Variants in TCF7L2 observed in about 807,000 individuals in gnomAD.
TCF7L2 encodes the protein transcription factor 7 like 2.
Under a neutral mutation model 77.9 loss-of-function variants are expected in TCF7L2, and 23 were observed. The ratio of observed to expected loss-of-function variants is 0.30; its 90% confidence interval spans 0.21 to 0.42. The LOEUF is 0.42. Among genes scored for constraint, TCF7L2 ranks in the 10% least tolerant of loss-of-function variants. The pLI, the probability that TCF7L2 is intolerant of heterozygous loss-of-function variation, is 1.00. For missense variants in TCF7L2, 654 were observed against 793.1 expected, an observed-to-expected ratio of 0.82 and a Z score of 2.11; for synonymous variants, 413 against 340.2, an observed-to-expected ratio of 1.21 and a Z score of -2.36.
chr10:113,107,752 T>TA (rs398014821), intron 5 of TCF7L2, among the ~76,000 whole-genome samples: 9,021 of 55,238 alleles, frequency 0.16, 1,166 homozygotes, highest in African/African-American at 0.23. Flanking sequence ...AGACTCCGTC[T>TA]AAAAAAAAAA....
intron 4 of TCF7L2, among the ~76,000 whole-genome samples, chr10:113,037,996 G>A (rs934661932): frequency 1.3e-5 from 2 of 152,168 alleles, no homozygotes; most frequent in Admixed American, 6.5e-5. Flanking sequence ...ATGAGATGGG[G>A]CAGTTTAGAT....
At chr10:113,034,565 T>G (rs896714875) in intron 4 of TCF7L2, among the ~76,000 whole-genome samples, 2 of 152,186 alleles carry the variant, frequency 1.3e-5, no homozygotes, top group African/African-American at 4.8e-5. Flanking sequence ...TTAGGAAAAT[T>G]TAACAGCGGA....
At chr10:113,031,962 G>A (rs142050903) in intron 4 of TCF7L2, among the ~76,000 whole-genome samples, 63 of 152,316 alleles carry the variant, frequency 4.1e-4, no homozygotes, top group Non-Finnish European at 5.7e-4. Flanking sequence ...AAGAGTTTTA[G>A]ATCATGTTCC....
chr10:112,968,223 A>G (rs989424807), intron 4 of TCF7L2, among the ~76,000 whole-genome samples: 6 of 152,298 alleles, frequency 3.9e-5, no homozygotes, highest in African/African-American at 1.4e-4. Context: ...GAATGGCACA[A>G]CATGAGTTTG....
At chr10:113,157,847 T>C (rs1468598076) in intron 11 of TCF7L2, 174 bp from the exon 12 acceptor site, 7 of 627,830 alleles carry the variant, frequency 1.1e-5, no homozygotes, top group Non-Finnish European at 2.0e-5. Context: ...TGGGGTACAA[T>C]GCAAGGGCAT....
chr10:113,005,712 G>C (rs1183425213), intron 4 of TCF7L2, among the ~76,000 whole-genome samples: 2 of 152,142 alleles, frequency 1.3e-5, no homozygotes, highest in Admixed American at 6.5e-5. Flanking sequence ...TTGGCTGGGG[G>C]GGAGGAGGAA....
intron 4 of TCF7L2, among the ~76,000 whole-genome samples, chr10:112,992,571 T>G (rs2042761490): frequency 6.6e-6 from 1 of 151,948 alleles, no homozygotes; most frequent in Non-Finnish European, 1.5e-5. Flanking sequence ...TAAGATTGCG[T>G]TATCTTTACC....
intron 6 of TCF7L2, among the ~76,000 whole-genome samples, chr10:113,143,023 C>T (rs976828093): frequency 1.3e-5 from 2 of 152,238 alleles, no homozygotes; most frequent in African/African-American, 2.4e-5. Flanking sequence ...TTTTCGTCCA[C>T]GAACATGCAG....
chr10:113,050,029 C>T (rs1184672813), intron 5 of TCF7L2, among the ~76,000 whole-genome samples: 1 of 152,190 alleles, frequency 6.6e-6, no homozygotes, highest in Non-Finnish European at 1.5e-5. Context: ...TGCATGCCAT[C>T]TGTCCAGTTG....
At chr10:113,117,433 C>CT (rs1160305172) in intron 5 of TCF7L2, among the ~76,000 whole-genome samples, 5 of 35,016 alleles carry the variant, frequency 1.4e-4, no homozygotes, top group African/African-American at 2.6e-4. Context: ...CTCTCTCTCT[C>CT]CCTCTCTCTC....
intron 5 of TCF7L2, among the ~76,000 whole-genome samples, chr10:113,087,334 ACT>A (rs1298335939): frequency 6.6e-6 from 1 of 152,234 alleles, no homozygotes; most frequent in Non-Finnish European, 1.5e-5. Context: ...CACTTTGGTA[ACT>A]CTGCCTCTTT....
chr10:113,158,312 T>G (rs2137376309), intron 12 of TCF7L2, among the ~76,000 whole-genome samples: 1 of 151,996 alleles, frequency 6.6e-6, no homozygotes, highest in Non-Finnish European at 1.5e-5. Context: ...TGTTTTAAAA[T>G]AACTGCAGAG....
chr10:112,983,431 C>T (rs896369326), intron 4 of TCF7L2, among the ~76,000 whole-genome samples: 56 of 152,114 alleles, frequency 3.7e-4, no homozygotes, highest in African/African-American at 1.3e-3. Flanking sequence ...GCCGAGATCG[C>T]GCCACTGCAC....
At chr10:113,003,752 A>C (rs2133398789) in intron 4 of TCF7L2, among the ~76,000 whole-genome samples, 1 of 152,316 alleles carries the variant, frequency 6.6e-6, no homozygotes, top group South Asian at 2.1e-4. Context: ...TTGAGGTCCC[A>C]CAGGCAGCGA....
intron 5 of TCF7L2, among the ~76,000 whole-genome samples, chr10:113,111,854 T>G (rs768615391): frequency 2.8e-4 from 43 of 152,202 alleles, no homozygotes; most frequent in Admixed American, 3.3e-4. Flanking sequence ...TCAATTCTTC[T>G]AAATCCTCTG....
Position 113,166,466 on chromosome 10 carries a change from T to TTTC in TCF7L2, c.*494_*495insTTC. The TTTC allele has an allele frequency of 4.5e-6, 1 of 221,380 alleles. No individual in the cohort carries two copies. The highest frequency in any genetic ancestry group is 9.0e-6 in the Non-Finnish European group (1 of 111,036). 13.7% of individuals were successfully genotyped at this position (221,380 alleles called of 1,614,324 possible). A position where few individuals can be genotyped will look rare whatever the true frequency, so the allele number is the denominator to read the frequency against. ...AGTGCCGTTACTTTTTTTTTTTTTT[T>TTTC]CTGTGTGAAACAACTCTTATTGTGA... On this transcript the variant is annotated 3_prime_UTR_variant, in exon 14 of 14. Transcript: ENST00000627217.
At chr10:113,075,640 AG>A (rs1253731952) in intron 5 of TCF7L2, among the ~76,000 whole-genome samples, 5 of 152,200 alleles carry the variant, frequency 3.3e-5, no homozygotes, top group African/African-American at 1.2e-4. Context: ...ATGATGTAAA[AG>A]CTAGTAGCTT....
chr10:113,117,749 AAAGAC>A (rs1426403464), intron 5 of TCF7L2, among the ~76,000 whole-genome samples: 2 of 121,558 alleles, frequency 1.6e-5, no homozygotes, highest in African/African-American at 5.6e-5. Context: ...ACATTGAAGA[AAAGAC>A]AAGGAAGGGA....
intron 5 of TCF7L2, among the ~76,000 whole-genome samples, chr10:113,059,646 T>C (rs1238558370): frequency 6.6e-6 from 1 of 152,058 alleles, no homozygotes; most frequent in Non-Finnish European, 1.5e-5. Context: ...TAAACAAAAA[T>C]GTCAGTCCCT....
Sources: gnomAD v4.1 joint callset for allele counts (sites outside exome capture counted in the v4.1 genomes callset) on GRCh38, gnomAD v4.1.1 for gene constraint, MANE v1.5 for transcripts, NCBI Gene and HGNC (gene_info 2026-07-23, HGNC 2026-07-21) for gene names.